Variants in ARHGAP32 observed in about 807,000 individuals in gnomAD.
The protein encoded by ARHGAP32 is Rho GTPase activating protein 32, also known as rho GTPase-activating protein 32.
Under a neutral mutation model 186.5 loss-of-function variants are expected in ARHGAP32, and 51 were observed. That is an observed-to-expected ratio of 0.27 (90% CI 0.22 to 0.35). The LOEUF is 0.35. ARHGAP32 is among the 10% of genes least tolerant of loss of function. The pLI is 1.00. For missense variants in ARHGAP32, 2,186 were observed against 2,623.5 expected, an observed-to-expected ratio of 0.83 and a Z score of 3.64; for synonymous variants, 950 against 964.3, an observed-to-expected ratio of 0.99 and a Z score of 0.27.
At chr11:129,058,236 CTCTATA>C (rs1488725984) in intron 10 of ARHGAP32, among the ~76,000 whole-genome samples, 31 of 132,898 alleles carry the variant, frequency 2.3e-4, no homozygotes, top group Admixed American at 7.8e-4. Flanking sequence ...CTCTCTCTCT[CTCTATA>C]TATATATATA....
chr11:128,989,516 TCACACACACACACACACACACACA>T (rs56090706), intron 12 of ARHGAP32, among the ~76,000 whole-genome samples: 1 of 138,926 alleles, frequency 7.2e-6, no homozygotes, highest in Non-Finnish European at 1.5e-5. Flanking sequence ...GTTTTTTATT[TCACACACACACACACACACACACA>T]CACACACACA....
intron 11 of ARHGAP32, among the ~76,000 whole-genome samples, chr11:129,017,831 T>C (rs1215592808): frequency 1.3e-5 from 2 of 152,190 alleles, no homozygotes; most frequent in Admixed American, 6.5e-5. Flanking sequence ...CTTGGGTTTG[T>C]TGGGTAGAAA....
chr11:128,982,474 C>CGTGTGTGTGTGT lies in ARHGAP32; in HGVS notation c.1527-550_1527-539dup, dbSNP rs60379183. Among the ~76,000 whole-genome samples the CGTGTGTGTGTGT allele has an allele frequency of 5.4e-3, 800 of 147,466 alleles. 6 individuals carry two copies. The highest frequency in any genetic ancestry group is 0.015 in the East Asian group (73 of 4,966). On this transcript the variant is annotated intron_variant, in intron 15 of 22. Coordinates refer to ENST00000682385, the MANE Select transcript of ARHGAP32 (RefSeq NM_001378024.1). The stretch of plus-strand genomic sequence containing the variant: ...AATGTAAGTTAAACCAGGTAAGTGC[C>CGTGTGTGTGTGT]GTGTGTGTGTGTGTGTGTGTGTGTG...
intron 11 of ARHGAP32, among the ~76,000 whole-genome samples, chr11:129,008,658 GA>G (rs894293776): frequency 1.3e-5 from 2 of 151,846 alleles, no homozygotes; most frequent in African/African-American, 2.4e-5. Context: ...CAGATTAAAT[GA>G]AAAAAAATTA....
At chr11:129,231,657 T>C (rs559586530) in intron 1 of ARHGAP32, among the ~76,000 whole-genome samples, 4 of 152,270 alleles carry the variant, frequency 2.6e-5, no homozygotes, top group African/African-American at 4.8e-5. Flanking sequence ...AATGGGATAC[T>C]GTATAAAGGT....
intron 6 of ARHGAP32, among the ~76,000 whole-genome samples, chr11:129,078,045 C>A (rs1034284139): frequency 1.3e-5 from 2 of 152,130 alleles, no homozygotes; most frequent in East Asian, 1.9e-4. Flanking sequence ...ACAGAACAAC[C>A]AAGGACCCTC....
At chr11:129,129,154 C>CAG (rs1185019237) in intron 2 of ARHGAP32, among the ~76,000 whole-genome samples, 14 of 152,120 alleles carry the variant, frequency 9.2e-5, no homozygotes, top group South Asian at 4.2e-4. Context: ...CTCTGCCCGG[C>CAG]CGCCCCGTCT....
At chr11:129,210,616 T>G (rs191129474) in intron 1 of ARHGAP32, among the ~76,000 whole-genome samples, 6 of 152,272 alleles carry the variant, frequency 3.9e-5, no homozygotes, top group African/African-American at 1.4e-4. Flanking sequence ...TCTCAAATAC[T>G]TCCAAAAACA....
chr11:128,973,904 G>T, intron 21 of ARHGAP32: 1 of 573,684 alleles, frequency 1.7e-6, no homozygotes. Context: ...GAGATAAGGG[G>T]ACTTTTGTGA....
chr11:129,096,663 G>A (rs1941737539), intron 5 of ARHGAP32, among the ~76,000 whole-genome samples: 1 of 152,174 alleles, frequency 6.6e-6, no homozygotes, highest in Admixed American at 6.5e-5. Context: ...TGCTGTGGCT[G>A]CGGATCACTG....
intron 10 of ARHGAP32, among the ~76,000 whole-genome samples, chr11:129,059,496 A>ATTTTT (rs10677456): frequency 1.7e-5 from 2 of 115,638 alleles, no homozygotes; most frequent in African/African-American, 3.4e-5. Context: ...CTGATTTGCA[A>ATTTTT]TTTTTTTTTT....
At chr11:129,124,933 T>C (rs769352790) in intron 2 of ARHGAP32, 39 bp from the exon 3 acceptor site, 80 of 1,480,528 alleles carry the variant, frequency 5.4e-5, no homozygotes, top group Middle Eastern at 1.7e-4. Context: ...GCTATTACTT[T>C]AGTATTACAC....
At chr11:129,271,312 G>C (rs964470428) in intron 1 of ARHGAP32, among the ~76,000 whole-genome samples, 1 of 151,962 alleles carries the variant, frequency 6.6e-6, no homozygotes, top group Non-Finnish European at 1.5e-5. Flanking sequence ...AGTCAGGTTC[G>C]GTTTATATTA....
chr11:129,042,273 C>T (rs1939628242), intron 10 of ARHGAP32, among the ~76,000 whole-genome samples: 1 of 152,170 alleles, frequency 6.6e-6, no homozygotes. Flanking sequence ...ACCTCAGCCT[C>T]CTGAGTAGCT....
intron 11 of ARHGAP32, among the ~76,000 whole-genome samples, chr11:129,007,490 C>T (rs768653757): frequency 3.3e-5 from 5 of 151,956 alleles, no homozygotes; most frequent in South Asian, 2.1e-4. Flanking sequence ...CCTTCTGGCC[C>T]CAGGTGTATC....
chr11:129,100,670 C>T (rs1941870134), intron 5 of ARHGAP32, among the ~76,000 whole-genome samples: 1 of 152,166 alleles, frequency 6.6e-6, no homozygotes, highest in African/African-American at 2.4e-5. Context: ...TGCCTGCACC[C>T]TGCCCTTATA....
chr11:129,261,098 AT>A (rs1039216613), intron 1 of ARHGAP32, among the ~76,000 whole-genome samples: 24 of 149,240 alleles, frequency 1.6e-4, no homozygotes, highest in Admixed American at 3.3e-4. Context: ...CCAATCTCCT[AT>A]TTTTTTTTTA....
At chr11:128,987,964 A>G (rs1293916596) in intron 13 of ARHGAP32, 59 bp downstream of exon 13, 1 of 1,151,130 alleles carries the variant, frequency 8.7e-7, no homozygotes, top group Non-Finnish European at 1.3e-6. Context: ...AATCTGTTTT[A>G]AAATATTTGC....
intron 12 of ARHGAP32, among the ~76,000 whole-genome samples, chr11:128,996,730 T>C (rs1183903329): frequency 6.6e-6 from 1 of 152,188 alleles, no homozygotes; most frequent in Non-Finnish European, 1.5e-5. Context: ...CTGAACACTG[T>C]AAGCTGTTTC....
Sources: allele counts gnomAD v4.1 joint callset (sites outside exome capture counted in the v4.1 genomes callset), GRCh38; gene constraint gnomAD v4.1.1; transcripts MANE v1.5; gene names NCBI Gene and HGNC (gene_info 2026-07-23, HGNC 2026-07-21).